LRRC4C: variants seen among roughly 807,000 people sequenced by gnomAD.
LRRC4C encodes leucine rich repeat containing 4C, also known as leucine-rich repeat-containing protein 4C.
LRRC4C carries 5 observed loss-of-function variants against 33.6 expected under a neutral mutation model. The ratio of observed to expected loss-of-function variants is 0.15; its 90% confidence interval spans 0.08 to 0.31. LRRC4C has a LOEUF of 0.31. Among genes scored for constraint, LRRC4C ranks in the 10% least tolerant of loss-of-function variants. The pLI is 1.00. For synonymous variants in LRRC4C, 329 were observed against 302.0 expected (o/e 1.09, Z -0.93); for missense variants, 560 against 796.7 (o/e 0.70, Z 3.58).
chr11:41,329,065 A>G (rs1290604230), intron 1 of LRRC4C, among the ~76,000 whole-genome samples: 1 of 152,202 alleles, frequency 6.6e-6, no homozygotes, highest in East Asian at 1.9e-4. Context: ...GCAAACAAGC[A>G]CTATTTGCTT....
intron 5 of LRRC4C, among the ~76,000 whole-genome samples, chr11:40,198,901 C>G (rs111819011): frequency 7.4e-4 from 112 of 152,254 alleles, no homozygotes; most frequent in South Asian, 1.7e-3. Context: ...AAGTTCCCCC[C>G]AGAAGGAGGT....
intron 1 of LRRC4C, among the ~76,000 whole-genome samples, chr11:41,240,071 C>G (rs929425808): frequency 6.6e-6 from 1 of 152,082 alleles, no homozygotes; most frequent in Non-Finnish European, 1.5e-5. Context: ...TTATAAAAAT[C>G]AAATGTCAAA....
At chr11:41,438,779 T>G (rs1172865535) in intron 1 of LRRC4C, among the ~76,000 whole-genome samples, 1 of 152,226 alleles carries the variant, frequency 6.6e-6, no homozygotes, top group African/African-American at 2.4e-5. Flanking sequence ...ATTTCTTCAT[T>G]CATTCATTTA....
At chr11:40,743,664 G>A (rs2136925000) in intron 2 of LRRC4C, among the ~76,000 whole-genome samples, 1 of 152,204 alleles carries the variant, frequency 6.6e-6, no homozygotes, top group African/African-American at 2.4e-5. Context: ...TCTAGTGAAA[G>A]TGAGACTTTT....
In LRRC4C at chr11:41,055,974, A is replaced by G. The variant is rs146554214; in HGVS notation, c.-495-122251T>C. 3.9e-5 allele frequency among the ~76,000 whole-genome samples: 6 copies of G among 152,294 alleles called. No homozygotes were observed. In the East Asian group the frequency reaches 1.2e-3, roughly 29 times the overall value. On this transcript the variant is annotated intron_variant, in intron 1 of 6. Transcript: ENST00000528697. ...ATGCTTTTAATGCATATTTTCTTTC[A>G]GGTTATTCCACTGAAGGACAGCCAC... is the stretch of plus-strand genomic sequence containing the variant.
rs1170705382 is a variant in LRRC4C at position 41,152,145 on chromosome 11, A to G, written c.-495-218422T>C. Among the ~76,000 whole-genome samples, 6 of 152,292 alleles carry G rather than the reference A, an allele frequency of 3.9e-5. No individual in the cohort carries two copies. In the East Asian group the frequency reaches 9.6e-4, roughly 24 times the overall value. On this transcript the variant is annotated intron_variant, in intron 1 of 6. Transcript: ENST00000528697. Reference sequence around the variant, plus strand: ...TTCACTCCAGCTCCATATGTAGTTAAAGAATGCTGATGTTACTAGCTCCCA... The same window carrying G: ...TTCACTCCAGCTCCATATGTAGTTAGAGAATGCTGATGTTACTAGCTCCCA...
intron 1 of LRRC4C, among the ~76,000 whole-genome samples, chr11:41,395,068 C>T (rs888329122): frequency 2.0e-5 from 3 of 151,878 alleles, no homozygotes; most frequent in Non-Finnish European, 4.4e-5. Context: ...TTCACATGTC[C>T]CATTAACCAG....
intron 4 of LRRC4C, among the ~76,000 whole-genome samples, chr11:40,313,015 G>A (rs983613808): frequency 6.6e-6 from 1 of 151,972 alleles, no homozygotes; most frequent in Non-Finnish European, 1.5e-5. Context: ...TGTCTATCAC[G>A]CCAGAAGTGG....
At chr11:40,977,014 A>G (rs1280814450) in intron 1 of LRRC4C, among the ~76,000 whole-genome samples, 1 of 152,132 alleles carries the variant, frequency 6.6e-6, no homozygotes, top group African/African-American at 2.4e-5. Flanking sequence ...CTGTAGCTAG[A>G]TGGTCCCATC....
chr11:41,148,507 T>G lies in LRRC4C; in HGVS notation c.-495-214784A>C, dbSNP rs979427099. ...GAGGGGTGGAGGGTGAGGTATGGAG[T>G]TAATCTTCAATAGCCAGAAAAATCT... On this transcript the variant is annotated intron_variant, in intron 1 of 6. Coordinates refer to ENST00000528697, the MANE Select transcript of LRRC4C (RefSeq NM_001258419.2). Among the ~76,000 whole-genome samples, 8 of 152,108 alleles carry G rather than the reference T, an allele frequency of 5.3e-5. 1 individual carries two copies. Among genetic ancestry groups the G allele is most frequent in the Admixed American group, 2.0e-4 (3 of 15,280 alleles).
At chr11:40,755,570 C>T (rs1948909689) in intron 2 of LRRC4C, among the ~76,000 whole-genome samples, 1 of 152,050 alleles carries the variant, frequency 6.6e-6, no homozygotes, top group South Asian at 2.1e-4. Flanking sequence ...TCCCACCAGA[C>T]ATTTGGCAAT....
intron 2 of LRRC4C, among the ~76,000 whole-genome samples, chr11:40,865,611 A>T (rs1473318050): frequency 6.6e-6 from 1 of 151,602 alleles, no homozygotes; most frequent in African/African-American, 2.4e-5. Context: ...AATTTGTAAT[A>T]AAAATATAAA....
intron 1 of LRRC4C, among the ~76,000 whole-genome samples, chr11:41,094,523 C>T (rs148125557): frequency 6.6e-6 from 1 of 151,890 alleles, no homozygotes; most frequent in African/African-American, 2.4e-5. Flanking sequence ...GACTCTGTCT[C>T]AAAAAATAAA....
intron 1 of LRRC4C, among the ~76,000 whole-genome samples, chr11:41,129,806 G>A (rs12273790): frequency 0.046 from 6,964 of 151,846 alleles, 253 homozygotes; most frequent in African/African-American, 0.092. Context: ...TAACATCTTA[G>A]TTGTTACAGG....
intron 3 of LRRC4C, among the ~76,000 whole-genome samples, chr11:40,624,682 T>TA (rs749774061): frequency 1.5e-4 from 23 of 152,146 alleles, no homozygotes; most frequent in Non-Finnish European, 2.9e-4. Context: ...CTGGTTGTCT[T>TA]ACAACAAGTT....
intron 3 of LRRC4C, among the ~76,000 whole-genome samples, chr11:40,499,094 A>G (rs575641970): frequency 6.6e-6 from 1 of 152,298 alleles, no homozygotes; most frequent in East Asian, 1.9e-4. Context: ...GCCACAACTG[A>G]AGAAACTATT....
intron 4 of LRRC4C, among the ~76,000 whole-genome samples, chr11:40,259,529 G>T (rs1482370582): frequency 6.6e-6 from 1 of 151,904 alleles, no homozygotes; most frequent in Non-Finnish European, 1.5e-5. Flanking sequence ...TTCTTCTAGG[G>T]TTTTTATGGT....
intron 3 of LRRC4C, among the ~76,000 whole-genome samples, chr11:40,466,136 A>G (rs1052243001): frequency 7.2e-5 from 11 of 152,112 alleles, no homozygotes; most frequent in African/African-American, 2.7e-4. Flanking sequence ...ATTGGAGGCT[A>G]TTATCCTAAG....
intron 1 of LRRC4C, among the ~76,000 whole-genome samples, chr11:41,178,371 T>C (rs1945295598): frequency 6.6e-6 from 1 of 152,194 alleles, no homozygotes; most frequent in African/African-American, 2.4e-5. Flanking sequence ...TGTTGTTTTT[T>C]ATTTTTGAGA....
Sources: allele counts gnomAD v4.1 joint callset (sites outside exome capture counted in the v4.1 genomes callset), GRCh38; gene constraint gnomAD v4.1.1; transcripts MANE v1.5; gene names NCBI Gene and HGNC (gene_info 2026-07-23, HGNC 2026-07-21).